Variants in FGD5 observed in about 807,000 individuals in gnomAD.
FGD5 encodes the protein FYVE, RhoGEF and PH domain containing 5, also known as FYVE, RhoGEF and PH domain-containing protein 5.
Under a neutral mutation model 133.4 loss-of-function variants are expected in FGD5, and 28 were observed. That is an observed-to-expected ratio of 0.21 (90% CI 0.16 to 0.29). The LOEUF (loss-of-function observed/expected upper bound fraction) is 0.29, where lower values mean the gene tolerates loss of function less well. Ranked by LOEUF, FGD5 falls within the 10% of genes least tolerant of loss-of-function variation. The pLI, the probability that FGD5 is intolerant of heterozygous loss-of-function variation, is 1.00. For missense variants in FGD5, 1,858 were observed against 1,895.2 expected (o/e 0.98, Z 0.36); for synonymous variants, 810 against 776.5 (o/e 1.04, Z -0.72).
Position 14,933,223 on chromosome 3 carries a change from T to C in FGD5, c.*56T>C. The C allele has an allele frequency of 1.3e-6, 2 of 1,587,302 alleles. No homozygotes were observed. The highest frequency in any genetic ancestry group is 1.7e-6 in the Non-Finnish European group (2 of 1,162,682). ...TTCTTAGGTCAATATGTGAATGCTT[T>C]TAGAAGCTAAGCTGTGGCTCAACTC... On this transcript the variant is annotated 3_prime_UTR_variant, in exon 20 of 20. Transcript: ENST00000285046.
intron 2 of FGD5, among the ~76,000 whole-genome samples, chr3:14,871,645 T>G (rs993683466): frequency 2.6e-5 from 4 of 152,110 alleles, no homozygotes; most frequent in African/African-American, 9.7e-5. Flanking sequence ...GCTCCAAGGT[T>G]CTGGAGGGCG....
intron 1 of FGD5, among the ~76,000 whole-genome samples, chr3:14,824,425 C>T (rs1268366241): frequency 6.6e-6 from 1 of 152,106 alleles, no homozygotes. Flanking sequence ...GGAGGCAGTT[C>T]CTTCCTCCGC....
intron 1 of FGD5, among the ~76,000 whole-genome samples, chr3:14,830,977 T>C (rs1378068644): frequency 2.0e-5 from 3 of 152,070 alleles, no homozygotes; most frequent in Admixed American, 6.5e-5. Flanking sequence ...AAAAAATCAA[T>C]GTGATACAAA....
chr3:14,833,127 G>A (rs1236985436), intron 1 of FGD5, among the ~76,000 whole-genome samples: 2 of 152,200 alleles, frequency 1.3e-5, no homozygotes, highest in Non-Finnish European at 2.9e-5. Flanking sequence ...CAGCCACTGA[G>A]CCATGTGTCG....
chr3:14,912,127 A>G (rs981592835), intron 11 of FGD5, among the ~76,000 whole-genome samples: 2 of 152,190 alleles, frequency 1.3e-5, no homozygotes, highest in South Asian at 2.1e-4. Context: ...CCATGCCCCA[A>G]ATAGGCCCTA....
chr3:14,924,021 C>T lies in FGD5; in HGVS notation c.3951C>T (p.Ser1317=). 1 of 1,614,012 alleles carries T rather than the reference C, an allele frequency of 6.2e-7. No homozygotes were observed. The highest frequency in any genetic ancestry group is 8.5e-7 in the Non-Finnish European group (1 of 1,179,888). The change falls in exon 17 of 20, where the codon AGC becomes AGT. Residue 1317 remains serine (S), a synonymous_variant. Coordinates refer to ENST00000285046, the MANE Select transcript of FGD5 (RefSeq NM_152536.4). ...VPGLMRERPV[S]MSFPLSSPRF... is the part of the protein sequence containing the mutation. ...TTTCAGTTACAGAGCGGCCTGTGAG[C>T]ATGAGCTTCCCGCTGTCTTCACCCC...
rs201155795 is a variant in FGD5 at position 14,820,658 on chromosome 3, G to A, written c.1587G>A (p.Lys529=). 8.6e-5 allele frequency: 138 copies of A among 1,598,636 alleles called. No homozygotes were observed. In the African/African-American group the frequency reaches 1.7e-3, roughly 20 times the overall value. Residue 529 remains lysine (K), a synonymous_variant, in exon 1 of 20, where the codon AAG becomes AAA. Coordinates refer to ENST00000285046, the MANE Select transcript of FGD5 (RefSeq NM_152536.4). ...AGACGCTTTTGTCATTGGAGGGGAA[G>A]CCCTTGGAAGCCAGCAGGGCCTTGC... ...VGKTLLSLEG[K]PLEASRALPA... is the part of the protein sequence containing the mutation.
At chr3:14,851,719 C>T (rs1018258711) in intron 1 of FGD5, among the ~76,000 whole-genome samples, 28 of 151,808 alleles carry the variant, frequency 1.8e-4, no homozygotes, top group African/African-American at 6.1e-4. Context: ...GTTTAAATTC[C>T]CCCCCACCCC....
intron 1 of FGD5, among the ~76,000 whole-genome samples, chr3:14,838,388 G>A (rs1417775452): frequency 1.3e-5 from 2 of 152,134 alleles, no homozygotes; most frequent in African/African-American, 4.8e-5. Flanking sequence ...CGTCTGCAAA[G>A]CCCCTTTTGC....
At chr3:14,930,449 T>C (rs1467000406) in intron 18 of FGD5, among the ~76,000 whole-genome samples, 1 of 151,956 alleles carries the variant, frequency 6.6e-6, no homozygotes, top group African/African-American at 2.4e-5. Flanking sequence ...TAGAAAAAAT[T>C]AGGGAGGTGT....
intron 17 of FGD5, 145 bp from the exon 18 acceptor site, chr3:14,925,925 A>G: frequency 9.4e-7 from 1 of 1,069,230 alleles, no homozygotes; most frequent in Admixed American, 2.6e-5. Context: ...TGACTTTGGT[A>G]CTGGATAGAT....
intron 1 of FGD5, among the ~76,000 whole-genome samples, chr3:14,837,979 G>C (rs937059980): frequency 6.6e-6 from 1 of 152,164 alleles, no homozygotes; most frequent in Non-Finnish European, 1.5e-5. Context: ...CAGCTCTGTG[G>C]GTCAGCAGTC....
intron 1 of FGD5, among the ~76,000 whole-genome samples, chr3:14,858,660 A>C (rs2037336938): frequency 6.6e-6 from 1 of 152,194 alleles, no homozygotes; most frequent in South Asian, 2.1e-4. Flanking sequence ...AGATAGCTGA[A>C]AATATAGAGC....
At chr3:14,870,661 C>G (rs1036724891) in intron 2 of FGD5, among the ~76,000 whole-genome samples, 1 of 152,194 alleles carries the variant, frequency 6.6e-6, no homozygotes, top group Admixed American at 6.5e-5. Flanking sequence ...CGCCGGCAGC[C>G]CGTTCCAGCC....
chr3:14,903,470 A>G (rs1012733303), intron 9 of FGD5, among the ~76,000 whole-genome samples: 1 of 150,516 alleles, frequency 6.6e-6, no homozygotes, highest in Non-Finnish European at 1.5e-5. Flanking sequence ...GTCATCTAGC[A>G]TTAGGTATAT....
At chr3:14,832,965 G>T (rs1486216515) in intron 1 of FGD5, among the ~76,000 whole-genome samples, 1 of 152,152 alleles carries the variant, frequency 6.6e-6, no homozygotes, top group Non-Finnish European at 1.5e-5. Flanking sequence ...GCTATGCTCG[G>T]GATTGGCCCT....
At chr3:14,868,472 C>T (rs1054250270) in intron 2 of FGD5, among the ~76,000 whole-genome samples, 1 of 152,254 alleles carries the variant, frequency 6.6e-6, no homozygotes, top group African/African-American at 2.4e-5. Context: ...TGACCATCCG[C>T]CCCCAATTAA....
intron 2 of FGD5, among the ~76,000 whole-genome samples, chr3:14,873,962 T>A (rs1228517394): frequency 6.6e-6 from 1 of 152,078 alleles, no homozygotes; most frequent in Non-Finnish European, 1.5e-5. Flanking sequence ...CCTCAGGTGA[T>A]GCACCTGCCT....
chr3:14,830,528 T>G (rs560943126), intron 1 of FGD5, among the ~76,000 whole-genome samples: 25 of 152,298 alleles, frequency 1.6e-4, no homozygotes, highest in African/African-American at 5.1e-4. Flanking sequence ...CACAATGTGG[T>G]TTTACCTTCA....
Sources: allele counts gnomAD v4.1 joint callset (sites outside exome capture counted in the v4.1 genomes callset), GRCh38; gene constraint gnomAD v4.1.1; transcripts MANE v1.5; gene names NCBI Gene and HGNC (gene_info 2026-07-23, HGNC 2026-07-21).